PHF21A: variants seen among roughly 807,000 people sequenced by gnomAD.
PHF21A encodes the protein BHC80a.
A neutral mutation model predicts 82.5 loss-of-function variants in PHF21A; 11 were observed. The observed-to-expected ratio is 0.13, with a 90% CI of 0.08 to 0.22. The LOEUF is 0.22. Ranked by LOEUF, PHF21A falls within the 10% of genes least tolerant of loss-of-function variation. The probability of loss-of-function intolerance (pLI) is 1.00; values close to 1 mark genes in which losing one functional copy is unlikely to be tolerated. For missense variants in PHF21A, 579 were observed against 837.8 expected (o/e 0.69, Z 3.81); for synonymous variants, 297 against 302.8 (o/e 0.98, Z 0.20).
At chr11:46,103,457 T>A (rs1201865129) in intron 1 of PHF21A, among the ~76,000 whole-genome samples, 1 of 152,222 alleles carries the variant, frequency 6.6e-6, no homozygotes, top group African/African-American at 2.4e-5. Context: ...TAAAAATATT[T>A]GTCGAGCCAA....
chr11:45,965,104 T>C (rs2093354136), intron 10 of PHF21A, among the ~76,000 whole-genome samples: 1 of 152,202 alleles, frequency 6.6e-6, no homozygotes, highest in African/African-American at 2.4e-5. Context: ...TCCCAGCCCA[T>C]CTACGAGGGG....
At chr11:46,087,454 C>A (rs2096869588) in intron 3 of PHF21A, among the ~76,000 whole-genome samples, 1 of 152,140 alleles carries the variant, frequency 6.6e-6, no homozygotes, top group East Asian at 1.9e-4. Context: ...ATGCCAATTA[C>A]TCATTTTATT....
intron 2 of PHF21A, among the ~76,000 whole-genome samples, chr11:46,091,415 T>TA (rs903566756): frequency 6.6e-6 from 1 of 152,170 alleles, no homozygotes; most frequent in East Asian, 1.9e-4. Flanking sequence ...GAAGAGCCAT[T>TA]AAAAAAACCT....
chr11:46,083,742 A>G (rs940888841), intron 4 of PHF21A: 1 of 152,578 alleles, frequency 6.6e-6, no homozygotes, highest in Non-Finnish European at 1.5e-5. Context: ...AGATAATCAC[A>G]TTTTCTTTAA....
chr11:46,054,632 T>G (rs561599825), intron 6 of PHF21A, among the ~76,000 whole-genome samples: 1 of 152,324 alleles, frequency 6.6e-6, no homozygotes, highest in South Asian at 2.1e-4. Context: ...AGACTAGATC[T>G]TATTACTCTA....
chr11:46,109,398 T>C (rs1255687569), intron 1 of PHF21A, among the ~76,000 whole-genome samples: 2 of 152,208 alleles, frequency 1.3e-5, no homozygotes, highest in African/African-American at 2.4e-5. Flanking sequence ...ACAAAAACCG[T>C]TCACAACTTG....
intron 6 of PHF21A, among the ~76,000 whole-genome samples, chr11:45,983,849 G>C (rs1489546691): frequency 1.3e-5 from 2 of 152,108 alleles, no homozygotes; most frequent in African/African-American, 4.8e-5. Flanking sequence ...AACCCTAGCT[G>C]TGTGGTATCA....
At chr11:46,016,968 TG>T (rs113691840) in intron 6 of PHF21A, among the ~76,000 whole-genome samples, 10 of 122,634 alleles carry the variant, frequency 8.2e-5, no homozygotes, top group Non-Finnish European at 1.5e-4. Context: ...ATGTTTAACC[TG>T]GATTTTTTTT....
At chr11:46,076,555 A>G (rs1334784240) in intron 6 of PHF21A, among the ~76,000 whole-genome samples, 199 bp downstream of exon 6, 2 of 152,212 alleles carry the variant, frequency 1.3e-5, no homozygotes, top group Non-Finnish European at 1.5e-5. Flanking sequence ...AGTAACATAT[A>G]ACCATGGGAT....
At chr11:46,049,626 A>C in intron 6 of PHF21A, 1 of 387,354 alleles carries the variant, frequency 2.6e-6, no homozygotes, top group South Asian at 1.9e-5. Context: ...CTGTCACAGC[A>C]CTCTCCTTGC....
chr11:46,006,566 G>GGCA (rs1371943741), intron 6 of PHF21A, among the ~76,000 whole-genome samples: 1 of 152,198 alleles, frequency 6.6e-6, no homozygotes, highest in Non-Finnish European at 1.5e-5. Flanking sequence ...CATCTACACA[G>GGCA]GCAGCTGTCT....
chr11:45,979,724 A>G (rs1416466454), intron 7 of PHF21A, 36 bp downstream of exon 7: 13 of 1,612,478 alleles, frequency 8.1e-6, no homozygotes, highest in Middle Eastern at 2.1e-4. Context: ...ATCAGTCTAC[A>G]ATCTGCAGCC....
intron 15 of PHF21A, among the ~76,000 whole-genome samples, chr11:45,944,223 C>G (rs578175940): frequency 6.6e-6 from 1 of 152,084 alleles, no homozygotes; most frequent in Non-Finnish European, 1.5e-5. Context: ...CTACATAAGA[C>G]AGTATCTTTG....
chr11:46,079,484 ATGT>A lies in PHF21A; in HGVS notation c.55-321_55-319del, dbSNP rs2096764263. Among the ~76,000 whole-genome samples the A allele has an allele frequency of 2.0e-5, 3 of 152,222 alleles. 1 individual carries two copies. In the South Asian group the frequency reaches 6.2e-4, roughly 32 times the overall value. On this transcript the variant is annotated intron_variant, in intron 4 of 18. Coordinates refer to ENST00000676320, the MANE Select transcript of PHF21A (RefSeq NM_001352027.3). Reference sequence around the variant, plus strand: ...TCCAAAAGCCAAGCATCCCTTTCAAATGTTGTCAATGTCTAGAGTCCCAAACAA... The same window carrying A: ...TCCAAAAGCCAAGCATCCCTTTCAAATGTCAATGTCTAGAGTCCCAAACAA...
chr11:45,960,135 T>C (rs1472055852), intron 10 of PHF21A, among the ~76,000 whole-genome samples: 3 of 152,258 alleles, frequency 2.0e-5, no homozygotes, highest in Admixed American at 6.5e-5. Flanking sequence ...CTTCAAATAG[T>C]TGAGCAGAAT....
At chr11:46,022,684 AC>A (rs939777696) in intron 6 of PHF21A, among the ~76,000 whole-genome samples, 5 of 151,946 alleles carry the variant, frequency 3.3e-5, no homozygotes, top group Non-Finnish European at 7.4e-5. Context: ...CTGGTCTCTA[AC>A]CCCTGGGCTG....
chr11:45,971,447 C>T (rs1045971638), intron 7 of PHF21A, 80 bp from the exon 8 acceptor site: 1 of 1,273,836 alleles, frequency 7.9e-7, no homozygotes, highest in Non-Finnish European at 1.1e-6. Context: ...CAATATGCTG[C>T]TTAACCTTGG....
chr11:45,979,874 G>A lies in PHF21A; in HGVS notation c.246C>T (p.Asn82=), dbSNP rs191069313. ...FQIQPLPQSE[N]KLQTAQQQPL... The stretch of plus-strand genomic sequence containing the variant: ...GTTGCTGCTGTGCTGTTTGTAGTTT[G>A]TTTTCAGATTGTGGCAATGGCTGTA... Residue 82 remains asparagine, a synonymous_variant, in exon 7 of 19, where the codon AAC becomes AAT. Coordinates refer to ENST00000676320, the MANE Select transcript of PHF21A (RefSeq NM_001352027.3). The A allele has an allele frequency of 2.5e-6, 4 of 1,614,138 alleles. No individual in the cohort carries two copies. The highest frequency in any genetic ancestry group is 3.4e-6 in the Non-Finnish European group (4 of 1,180,016).
chr11:46,108,567 G>A (rs982038527), intron 1 of PHF21A, among the ~76,000 whole-genome samples: 8 of 62,216 alleles, frequency 1.3e-4, no homozygotes, highest in East Asian at 4.8e-4. Context: ...GTGTGTGTGT[G>A]TATATATATA....
Sources: gnomAD v4.1 joint callset for allele counts (sites outside exome capture counted in the v4.1 genomes callset) on GRCh38, gnomAD v4.1.1 for gene constraint, MANE v1.5 for transcripts, NCBI Gene and HGNC (gene_info 2026-07-23, HGNC 2026-07-21) for gene names.